Variants in SIPA1L1 observed in about 807,000 individuals in gnomAD.
SIPA1L1 encodes the protein signal-induced proliferation-associated 1-like protein 1.
SIPA1L1 carries 26 observed loss-of-function variants against 162.7 expected under a neutral mutation model. The observed-to-expected ratio is 0.16, with a 90% CI of 0.12 to 0.22. SIPA1L1 has a LOEUF of 0.22. Among genes scored for constraint, SIPA1L1 ranks in the 10% least tolerant of loss-of-function variants. The pLI is 1.00. For synonymous variants in SIPA1L1, 829 were observed against 837.4 expected, an observed-to-expected ratio of 0.99 and a Z score of 0.17; for missense variants, 1,874 against 2,241.0, an observed-to-expected ratio of 0.84 and a Z score of 3.31.
intron 2 of SIPA1L1, among the ~76,000 whole-genome samples, chr14:71,388,813 T>C (rs2040536049): frequency 6.6e-6 from 1 of 152,228 alleles, no homozygotes; most frequent in African/African-American, 2.4e-5. Flanking sequence ...ATCAAAACCC[T>C]CCCTAGTGCT....
chr14:71,438,667 C>T (rs1236653450), intron 2 of SIPA1L1, among the ~76,000 whole-genome samples: 1 of 152,104 alleles, frequency 6.6e-6, no homozygotes, highest in East Asian at 1.9e-4. Flanking sequence ...GTGCAGAATT[C>T]TAGAAAAAAA....
At chr14:71,702,601 C>A in intron 15 of SIPA1L1, 96 bp downstream of exon 15, 2 of 1,076,954 alleles carry the variant, frequency 1.9e-6, no homozygotes, top group South Asian at 1.6e-5. Flanking sequence ...TAAAAGGTAG[C>A]CCTAGTTAAT....
intron 2 of SIPA1L1, among the ~76,000 whole-genome samples, chr14:71,370,836 C>T (rs1012947003): frequency 4.6e-5 from 7 of 152,140 alleles, no homozygotes; most frequent in Non-Finnish European, 1.0e-4. Flanking sequence ...TGTGACATCA[C>T]AGTTTAGTTT....
At chr14:71,432,475 A>T (rs2044063698) in intron 2 of SIPA1L1, among the ~76,000 whole-genome samples, 1 of 152,188 alleles carries the variant, frequency 6.6e-6, no homozygotes, top group Non-Finnish European at 1.5e-5. Flanking sequence ...CTACAATCAC[A>T]CAAGGTAGTC....
chr14:71,556,784 G>A lies in SIPA1L1; in HGVS notation c.-303+27414G>A, dbSNP rs374853992. On this transcript the variant is annotated intron_variant, in intron 4 of 23. Transcript: ENST00000381232. ...TTATACAAGGAGGTTTTATTACATG[G>A]CCTGGTTGACAACCGTGTAGAAATG... 5.8e-4 allele frequency among the ~76,000 whole-genome samples: 89 copies of A among 152,230 alleles called. No individual in the cohort carries two copies. In the South Asian group the frequency reaches 0.018, roughly 31 times the overall value.
intron 4 of SIPA1L1, among the ~76,000 whole-genome samples, chr14:71,530,396 G>A (rs1464036174): frequency 6.7e-6 from 1 of 150,282 alleles, no homozygotes; most frequent in African/African-American, 2.4e-5. Context: ...TGCTGTGAAT[G>A]CTAAAAAGGG....
intron 2 of SIPA1L1, among the ~76,000 whole-genome samples, chr14:71,444,380 A>G (rs2045177434): frequency 6.6e-6 from 1 of 152,206 alleles, no homozygotes; most frequent in South Asian, 2.1e-4. Flanking sequence ...AAATAAAAGT[A>G]TTCCATTCAG....
chr14:71,605,133 C>T (rs1415810561), intron 5 of SIPA1L1, among the ~76,000 whole-genome samples: 1 of 151,980 alleles, frequency 6.6e-6, no homozygotes, highest in African/African-American at 2.4e-5. Context: ...TCGTCAAGTA[C>T]TGAGGTTCTT....
intron 2 of SIPA1L1, among the ~76,000 whole-genome samples, chr14:71,359,441 T>C (rs2037586085): frequency 6.6e-6 from 1 of 152,236 alleles, no homozygotes; most frequent in Non-Finnish European, 1.5e-5. Context: ...CTCCTCCATA[T>C]AATTTGTCTA....
chr14:71,598,605 A>G (rs2036325698), intron 5 of SIPA1L1, among the ~76,000 whole-genome samples: 1 of 152,254 alleles, frequency 6.6e-6, no homozygotes, highest in Non-Finnish European at 1.5e-5. Context: ...AACTCTTAGA[A>G]TCTATAGGGG....
At chr14:71,541,761 A>T (rs913012434) in intron 4 of SIPA1L1, among the ~76,000 whole-genome samples, 20 of 152,192 alleles carry the variant, frequency 1.3e-4, no homozygotes, top group African/African-American at 4.6e-4. Context: ...TGACAGAGTG[A>T]AACTCTGTCT....
intron 2 of SIPA1L1, among the ~76,000 whole-genome samples, chr14:71,508,838 A>T (rs2050884655): frequency 6.6e-6 from 1 of 152,002 alleles, no homozygotes; most frequent in Non-Finnish European, 1.5e-5. Context: ...ATTGTCATAG[A>T]TTTATTTGTA....
intron 4 of SIPA1L1, among the ~76,000 whole-genome samples, chr14:71,585,789 T>C (rs2034520950): frequency 6.6e-6 from 1 of 152,210 alleles, no homozygotes. Context: ...TTATGCTATG[T>C]AGAGTATTCA....
chr14:71,394,030 G>A (rs2040984077), intron 2 of SIPA1L1, among the ~76,000 whole-genome samples: 1 of 152,224 alleles, frequency 6.6e-6, no homozygotes, highest in South Asian at 2.1e-4. Context: ...CCTGTTCCTA[G>A]CTGGCTAGAT....
intron 3 of SIPA1L1, among the ~76,000 whole-genome samples, chr14:71,529,027 G>T (rs779105838): frequency 1.3e-5 from 2 of 151,908 alleles, no homozygotes; most frequent in Non-Finnish European, 2.9e-5. Flanking sequence ...CAGAAGAATC[G>T]CTTGAACCTG....
Position 71,592,962 on chromosome 14 carries a change from C to T in SIPA1L1, c.1498+3592C>T, listed in dbSNP as rs188858555. 2.0e-3 allele frequency among the ~76,000 whole-genome samples: 304 copies of T among 152,184 alleles called. 1 individual carries two copies. The highest frequency in any genetic ancestry group is 3.8e-3 in the Non-Finnish European group (260 of 68,010). The stretch of plus-strand genomic sequence containing the variant: ...GTGAGTGTATGTTTATATTGAGAAC[C>T]AGGATTAAATGACAGTAATAATATA... On this transcript the variant is annotated intron_variant, in intron 5 of 23. Transcript: ENST00000381232.
At chr14:71,548,185 A>G (rs1325328382) in intron 4 of SIPA1L1, among the ~76,000 whole-genome samples, 3 of 152,224 alleles carry the variant, frequency 2.0e-5, no homozygotes, top group Non-Finnish European at 4.4e-5. Context: ...TTTCAAATTG[A>G]ATTATGTATT....
chr14:71,609,524 T>C (rs962601975), intron 5 of SIPA1L1, among the ~76,000 whole-genome samples: 3 of 151,830 alleles, frequency 2.0e-5, no homozygotes, highest in Non-Finnish European at 4.4e-5. Context: ...TGGAGTGCAG[T>C]GGGGTGATCT....
At chr14:71,440,440 T>C (rs1488730296) in intron 2 of SIPA1L1, among the ~76,000 whole-genome samples, 1 of 151,194 alleles carries the variant, frequency 6.6e-6, no homozygotes, top group Non-Finnish European at 1.5e-5. Flanking sequence ...ACTACTTGAG[T>C]CTAGGAGTTT....
Sources: allele counts gnomAD v4.1 joint callset (sites outside exome capture counted in the v4.1 genomes callset), GRCh38; gene constraint gnomAD v4.1.1; transcripts MANE v1.5; gene names NCBI Gene and HGNC (gene_info 2026-07-23, HGNC 2026-07-21).